Variants in LCORL observed in about 807,000 individuals in gnomAD.
LCORL encodes the protein ligand-dependent nuclear receptor corepressor-like protein.
A neutral mutation model predicts 141.8 loss-of-function variants in LCORL; 41 were observed. The ratio of observed to expected loss-of-function variants is 0.29; its 90% CI spans 0.23 to 0.38. The LOEUF (loss-of-function observed/expected upper bound fraction) is 0.38. Among genes scored for constraint, LCORL ranks in the 10% least tolerant of loss-of-function variants. The probability of loss-of-function intolerance (pLI) is 1.00; values close to 1 mark genes in which losing one functional copy is unlikely to be tolerated. For missense variants in LCORL, 1,759 were observed against 2,035.0 expected (o/e 0.86, Z 2.61); for synonymous variants, 618 against 694.1 (o/e 0.89, Z 1.72).
chr4:17,949,400 G>A lies in LCORL; in HGVS notation c.430+12503C>T, dbSNP rs186451852. Among the ~76,000 whole-genome samples the A allele has an allele frequency of 1.2e-3, 176 of 152,130 alleles. 1 individual carries two copies. Among genetic ancestry groups the A allele is most frequent in the African/African-American group, 4.0e-3 (166 of 41,530 alleles). Reference sequence around the variant, plus strand: ...CATGCAGACTTGTTTATTATAATGCGTCCTTGACTGTAGTTCCTCTGTATT... The same window carrying A: ...CATGCAGACTTGTTTATTATAATGCATCCTTGACTGTAGTTCCTCTGTATT... On this transcript the variant is annotated intron_variant, in intron 4 of 7. Coordinates refer to ENST00000635767, the Ensembl canonical transcript of LCORL.
chr4:17,847,344 G>A (rs191399942), intron 7 of LCORL, among the ~76,000 whole-genome samples: 141 of 152,254 alleles, frequency 9.3e-4, no homozygotes, highest in Non-Finnish European at 1.3e-3. Flanking sequence ...AAATGGGAGC[G>A]TCCAGACTCC....
exon 8 of LCORL, chr4:17,844,153 T>C (rs1208512522): frequency 2.0e-5 from 3 of 152,028 alleles, no homozygotes; most frequent in Non-Finnish European, 2.9e-5. Flanking sequence ...CTGTGGATAA[T>C]AATTCTAGTG....
chr4:17,877,588 T>C, exon 7 of LCORL: 1 of 1,230,668 alleles, frequency 8.1e-7, no homozygotes. Context: ...GCTTCAAGTT[T>C]GTTATTTTCT....
At chr4:17,970,299 C>A (rs1339383951) in intron 2 of LCORL, among the ~76,000 whole-genome samples, 1 of 152,122 alleles carries the variant, frequency 6.6e-6, no homozygotes, top group Non-Finnish European at 1.5e-5. Flanking sequence ...GATATATCTA[C>A]AAAAATGTTC....
intron 5 of LCORL, among the ~76,000 whole-genome samples, chr4:17,899,478 CGAA>C (rs1338352153): frequency 4.0e-5 from 6 of 151,790 alleles, no homozygotes; most frequent in Non-Finnish European, 7.4e-5. Context: ...TACACCTAGG[CGAA>C]GAAGAGAAGG....
intron 5 of LCORL, among the ~76,000 whole-genome samples, chr4:17,896,874 C>T (rs964727236): frequency 3.3e-5 from 5 of 152,026 alleles, no homozygotes; most frequent in African/African-American, 1.2e-4. Flanking sequence ...ACCCCACCCC[C>T]CACTATCCTT....
At chr4:18,013,190 T>TC (rs1188977508) in intron 1 of LCORL, among the ~76,000 whole-genome samples, 2 of 152,158 alleles carry the variant, frequency 1.3e-5, no homozygotes, top group Non-Finnish European at 2.9e-5. Context: ...GTAATACCAC[T>TC]CCCTCCTGGT....
intron 5 of LCORL, among the ~76,000 whole-genome samples, chr4:17,904,007 A>G (rs1004907869): frequency 9.7e-5 from 14 of 144,128 alleles, no homozygotes; most frequent in Non-Finnish European, 2.0e-4. Context: ...TGGAGACATA[A>G]TAATTTTTAC....
At chr4:17,856,261 C>T (rs531752277) in intron 7 of LCORL, among the ~76,000 whole-genome samples, 50 of 152,096 alleles carry the variant, frequency 3.3e-4, no homozygotes, top group Non-Finnish European at 5.9e-4. Flanking sequence ...ATTCATATGT[C>T]GAAGCTCTAA....
intron 1 of LCORL, among the ~76,000 whole-genome samples, chr4:17,985,092 T>G (rs1560442921): frequency 6.6e-6 from 1 of 152,142 alleles, no homozygotes; most frequent in Non-Finnish European, 1.5e-5. Flanking sequence ...TGATTTTTTT[T>G]GTTTTAATTT....
intron 4 of LCORL, among the ~76,000 whole-genome samples, chr4:17,925,385 T>C (rs930230385): frequency 6.6e-6 from 1 of 152,084 alleles, no homozygotes; most frequent in Non-Finnish European, 1.5e-5. Context: ...GGATTACAAA[T>C]GGCCCAGACC....
chr4:17,944,286 C>T (rs1344813715), intron 4 of LCORL, among the ~76,000 whole-genome samples: 2 of 152,132 alleles, frequency 1.3e-5, no homozygotes, highest in Admixed American at 6.6e-5. Context: ...CTATCAAATA[C>T]TAGGTCTTAC....
intron 1 of LCORL, among the ~76,000 whole-genome samples, chr4:17,997,664 G>C (rs961220948): frequency 6.6e-6 from 1 of 152,050 alleles, no homozygotes; most frequent in African/African-American, 2.4e-5. Flanking sequence ...TAAACTCATA[G>C]TTTGGTGGGA....
At chr4:17,881,419 TTTTG>T (rs1361257927) in intron 6 of LCORL, 1 of 944,000 alleles carries the variant, frequency 1.1e-6, no homozygotes, top group African/African-American at 1.8e-5. Flanking sequence ...AATAGAAATG[TTTTG>T]TTTCTTTTAA....
At chr4:17,935,042 G>C (rs1160267418) in intron 4 of LCORL, among the ~76,000 whole-genome samples, 2 of 151,948 alleles carry the variant, frequency 1.3e-5, no homozygotes, top group African/African-American at 2.4e-5. Flanking sequence ...AAACAGTTCT[G>C]ACTAAAAAAA....
At position 17,953,137 on chromosome 4, in the gene LCORL, A is replaced by G. The variant is rs531262100; in HGVS notation, c.430+8766T>C. Reference sequence around the variant, plus strand: ...TATATGCACCACATTTTCTTTATCCAGTCTACCACTGATGGGCATTTAGGT... The same window carrying G: ...TATATGCACCACATTTTCTTTATCCGGTCTACCACTGATGGGCATTTAGGT... On this transcript the variant is annotated intron_variant, in intron 4 of 7. Transcript: ENST00000635767. 2.5e-3 allele frequency among the ~76,000 whole-genome samples: 383 copies of G among 152,284 alleles called. 1 individual carries two copies. The highest frequency in any genetic ancestry group is 3.7e-3 in the Non-Finnish European group (250 of 68,026).
chr4:17,949,741 C>G (rs990534035), intron 4 of LCORL, among the ~76,000 whole-genome samples: 5 of 152,116 alleles, frequency 3.3e-5, no homozygotes, highest in Non-Finnish European at 7.4e-5. Flanking sequence ...CAAACAATCA[C>G]ACTGTATTTA....
intron 1 of LCORL, among the ~76,000 whole-genome samples, chr4:17,984,891 T>C (rs1218711970): frequency 6.6e-6 from 1 of 152,104 alleles, no homozygotes; most frequent in Non-Finnish European, 1.5e-5. Flanking sequence ...TGTGGGCATT[T>C]AGTGCTACAA....
intron 1 of LCORL, among the ~76,000 whole-genome samples, chr4:17,974,794 A>G (rs575366936): frequency 6.6e-6 from 1 of 152,264 alleles, no homozygotes; most frequent in South Asian, 2.1e-4. Flanking sequence ...GTAAAAAACT[A>G]TTTAGGCTAT....
Sources: gnomAD v4.1 joint callset for allele counts (sites outside exome capture counted in the v4.1 genomes callset) on GRCh38, gnomAD v4.1.1 for gene constraint, MANE v1.5 for transcripts, NCBI Gene and HGNC (gene_info 2026-07-23, HGNC 2026-07-21) for gene names.